The following GPR39 variants were observed in gnomAD, a reference collection of about 807,000 sequenced individuals.
GPR39 encodes zinc sensing receptor.
Under a neutral mutation model 18.4 loss-of-function variants are expected in GPR39, and 23 were observed. The observed-to-expected ratio is 1.25, with a 90% CI of 0.90 to 1.77. The LOEUF (loss-of-function observed/expected upper bound fraction) is 1.77, where lower values mean the gene tolerates loss of function less well. Among genes scored for constraint, GPR39 ranks in the 40% most tolerant of loss-of-function variants. The pLI is 0.00. For synonymous variants in GPR39, 280 were observed against 257.9 expected (o/e 1.09, Z -0.82); for missense variants, 647 against 602.4 (o/e 1.07, Z -0.78).
intron 1 of GPR39, among the ~76,000 whole-genome samples, chr2:132,493,515 T>TATACACC (rs1558815493): frequency 2.1e-5 from 3 of 143,328 alleles, no homozygotes; most frequent in African/African-American, 8.2e-5. Context: ...CATATATATA[T>TATACACC]ATATATATAT....
intron 1 of GPR39, among the ~76,000 whole-genome samples, chr2:132,588,297 C>T (rs1680767664): frequency 6.6e-6 from 1 of 152,162 alleles, no homozygotes; most frequent in Non-Finnish European, 1.5e-5. Context: ...GAAGTAAGAG[C>T]TCTGTATCCC....
At chr2:132,437,366 A>C (rs1169683194) in intron 1 of GPR39, among the ~76,000 whole-genome samples, 1 of 152,222 alleles carries the variant, frequency 6.6e-6, no homozygotes. Flanking sequence ...AAGCCTTAGC[A>C]CTACACCATA....
chr2:132,552,792 A>G, intron 1 of GPR39, among the ~76,000 whole-genome samples: 1 of 111,002 alleles, frequency 9.0e-6, no homozygotes, highest in South Asian at 3.4e-4. Flanking sequence ...ACCAATGTGT[A>G]TATATGTGTG....
At chr2:132,549,845 C>T (rs1306830420) in intron 1 of GPR39, among the ~76,000 whole-genome samples, 1 of 152,106 alleles carries the variant, frequency 6.6e-6, no homozygotes, top group African/African-American at 2.4e-5. Context: ...TCTCATATAA[C>T]GAATGGCCTA....
intron 1 of GPR39, among the ~76,000 whole-genome samples, chr2:132,451,337 A>G (rs999424171): frequency 6.6e-6 from 1 of 152,124 alleles, no homozygotes; most frequent in Non-Finnish European, 1.5e-5. Flanking sequence ...TATGTTGTAC[A>G]GTTATTTGTT....
At chr2:132,458,873 C>T (rs1326164124) in intron 1 of GPR39, among the ~76,000 whole-genome samples, 2 of 149,848 alleles carry the variant, frequency 1.3e-5, no homozygotes, top group Non-Finnish European at 3.0e-5. Context: ...AAATCTCTCT[C>T]CTCCCCAACT....
At chr2:132,471,366 A>G (rs1010284866) in intron 1 of GPR39, among the ~76,000 whole-genome samples, 5 of 152,224 alleles carry the variant, frequency 3.3e-5, no homozygotes, top group African/African-American at 1.2e-4. Context: ...ATGAGTGCCT[A>G]AAGTGGCCAC....
At chr2:132,442,270 C>T (rs1194337553) in intron 1 of GPR39, among the ~76,000 whole-genome samples, 1 of 152,118 alleles carries the variant, frequency 6.6e-6, no homozygotes, top group Non-Finnish European at 1.5e-5. Flanking sequence ...CTGATCACTC[C>T]CTTAGAAGCA....
At position 132,646,031 on chromosome 2, in the gene GPR39, C is replaced by T. The variant is rs116097695; in HGVS notation, c.*425C>T. On this transcript the variant is annotated 3_prime_UTR_variant, in exon 2 of 2. Transcript: ENST00000329321. ...GGAAGAACAATGCAGGAGGGGGTGG[C>T]ATCTCCTTCAGCTTCAGCAGTGTGC... is the stretch of plus-strand genomic sequence containing the variant. 280 of 1,516,330 alleles carry T rather than the reference C, an allele frequency of 1.8e-4. 1 individual carries two copies. The African/African-American group carries it at 3.2e-3, about 17-fold the overall frequency. 93.9% of individuals were successfully genotyped at this position (1,516,330 alleles called of 1,614,324 possible).
chr2:132,598,075 G>A (rs1230546823), intron 1 of GPR39, among the ~76,000 whole-genome samples: 1 of 152,194 alleles, frequency 6.6e-6, no homozygotes, highest in Non-Finnish European at 1.5e-5. Context: ...GAAAATGCAG[G>A]GCTGGCTTCT....
chr2:132,640,193 G>C (rs1298611460), intron 1 of GPR39, among the ~76,000 whole-genome samples: 1 of 152,194 alleles, frequency 6.6e-6, no homozygotes, highest in African/African-American at 2.4e-5. Context: ...CATGGTGTCA[G>C]ATACATCAAT....
chr2:132,452,946 T>C (rs918607953), intron 1 of GPR39, among the ~76,000 whole-genome samples: 2 of 152,246 alleles, frequency 1.3e-5, no homozygotes, highest in Admixed American at 1.3e-4. Flanking sequence ...AACATACATG[T>C]GCATGTGTCT....
chr2:132,574,679 G>A (rs1283825534), intron 1 of GPR39, among the ~76,000 whole-genome samples: 2 of 152,164 alleles, frequency 1.3e-5, no homozygotes, highest in African/African-American at 2.4e-5. Flanking sequence ...AGGTTGCAGC[G>A]AGCCAAGATC....
At chr2:132,486,340 AGCT>A (rs1419304860) in intron 1 of GPR39, among the ~76,000 whole-genome samples, 1 of 152,230 alleles carries the variant, frequency 6.6e-6, no homozygotes, top group Non-Finnish European at 1.5e-5. Context: ...TACCAGCTGC[AGCT>A]GCATTAGCCC....
At chr2:132,552,277 T>C (rs765738353) in intron 1 of GPR39, among the ~76,000 whole-genome samples, 4 of 152,088 alleles carry the variant, frequency 2.6e-5, no homozygotes, top group Non-Finnish European at 4.4e-5. Flanking sequence ...TCGGAGGTGT[T>C]TGGGTCATGG....
chr2:132,543,490 C>T (rs1679894259), intron 1 of GPR39, among the ~76,000 whole-genome samples: 2 of 152,130 alleles, frequency 1.3e-5, no homozygotes, highest in Non-Finnish European at 2.9e-5. Context: ...CTAAAGCAAG[C>T]TGGCTAACTC....
intron 1 of GPR39, among the ~76,000 whole-genome samples, chr2:132,530,221 T>G (rs1168133723): frequency 6.6e-6 from 1 of 152,142 alleles, no homozygotes; most frequent in African/African-American, 2.4e-5. Flanking sequence ...CAAGCCTCAG[T>G]AGCTGATGAG....
At chr2:132,427,126 AGG>A (rs1558795586) in intron 1 of GPR39, among the ~76,000 whole-genome samples, 1 of 61,942 alleles carries the variant, frequency 1.6e-5, no homozygotes, top group African/African-American at 6.6e-5. Flanking sequence ...ATACATATAT[AGG>A]TACATATATA....
intron 1 of GPR39, among the ~76,000 whole-genome samples, chr2:132,483,432 T>C (rs1455662464): frequency 6.6e-6 from 1 of 152,240 alleles, no homozygotes; most frequent in African/African-American, 2.4e-5. Context: ...TGGGCAGCCC[T>C]GTGTGTTGCC....
Sources: allele counts gnomAD v4.1 joint callset (sites outside exome capture counted in the v4.1 genomes callset), GRCh38; gene constraint gnomAD v4.1.1; transcripts MANE v1.5; gene names NCBI Gene and HGNC (gene_info 2026-07-23, HGNC 2026-07-21).